LRGUK: variants seen among roughly 807,000 people sequenced by gnomAD.
LRGUK encodes leucine-rich repeat and guanylate kinase domain-containing protein.
A neutral mutation model predicts 76.0 loss-of-function variants in LRGUK; 65 were observed. That is an observed-to-expected ratio of 0.85 (90% CI 0.70 to 1.05). The LOEUF is 1.05. Ranked by LOEUF, LRGUK falls within the 50% of genes least tolerant of loss-of-function variation. LRGUK has a pLI of 0.00. For missense variants in LRGUK, 758 were observed against 732.8 expected (o/e 1.03, Z -0.40); for synonymous variants, 268 against 265.6 (o/e 1.01, Z -0.09).
chr7:134,158,232 A>T, intron 6 of LRGUK, 73 bp downstream of exon 6: 2 of 1,328,576 alleles, frequency 1.5e-6, no homozygotes. Context: ...AATTATGACT[A>T]CTTAGGATTC....
chr7:134,153,805 G>C (rs1798335137), intron 5 of LRGUK, among the ~76,000 whole-genome samples: 1 of 152,118 alleles, frequency 6.6e-6, no homozygotes, highest in African/African-American at 2.4e-5. Context: ...AGGTGATACA[G>C]ATCTTTCAGG....
chr7:134,249,196 G>A (rs1275316522), intron 18 of LRGUK, 120 bp downstream of exon 18: 15 of 1,148,468 alleles, frequency 1.3e-5, no homozygotes, highest in Middle Eastern at 2.6e-4. Context: ...CCTAACTCCC[G>A]CTGTAGAATT....
At chr7:134,241,835 C>A (rs1019465814) in intron 16 of LRGUK, among the ~76,000 whole-genome samples, 1 of 152,136 alleles carries the variant, frequency 6.6e-6, no homozygotes, top group Non-Finnish European at 1.5e-5. Context: ...TGTAAAAGAA[C>A]AGAAATTATA....
At chr7:134,202,965 G>A (rs1043647866) in intron 15 of LRGUK, among the ~76,000 whole-genome samples, 1 of 152,214 alleles carries the variant, frequency 6.6e-6, no homozygotes, top group Non-Finnish European at 1.5e-5. Flanking sequence ...AGCACTTTGG[G>A]AGGCCGAGGT....
chr7:134,175,920 G>A (rs1007782154), intron 8 of LRGUK, among the ~76,000 whole-genome samples: 7 of 151,764 alleles, frequency 4.6e-5, no homozygotes, highest in Admixed American at 6.6e-5. Flanking sequence ...AAATTAATAC[G>A]AAATATTGCA....
At chr7:134,263,144 A>G (rs1174704822) in intron 19 of LRGUK, among the ~76,000 whole-genome samples, 1 of 151,890 alleles carries the variant, frequency 6.6e-6, no homozygotes, top group African/African-American at 2.4e-5. Context: ...TCATAATCTT[A>G]TCCATCATTT....
chr7:134,222,648 T>G (rs1401431821), intron 16 of LRGUK, among the ~76,000 whole-genome samples: 2 of 152,020 alleles, frequency 1.3e-5, no homozygotes, highest in African/African-American at 4.8e-5. Context: ...TTGCTCTTGT[T>G]GCCAGGCTGG....
intron 16 of LRGUK, among the ~76,000 whole-genome samples, chr7:134,232,403 T>C (rs965426955): frequency 5.9e-5 from 9 of 152,028 alleles, no homozygotes; most frequent in Admixed American, 5.2e-4. Flanking sequence ...CTCAGCCTCC[T>C]GAGTAGCTGG....
chr7:134,208,546 G>T (rs182292065), intron 15 of LRGUK, among the ~76,000 whole-genome samples: 2 of 152,336 alleles, frequency 1.3e-5, no homozygotes, highest in Non-Finnish European at 2.9e-5. Context: ...TAGACACTTA[G>T]TATCTCCAAG....
intron 1 of LRGUK, among the ~76,000 whole-genome samples, chr7:134,135,004 T>C (rs1490205009): frequency 1.3e-5 from 2 of 152,104 alleles, no homozygotes; most frequent in Non-Finnish European, 2.9e-5. Context: ...TATAGCTGGG[T>C]CTATAAAATA....
chr7:134,243,082 C>T (rs1197787279), intron 16 of LRGUK, among the ~76,000 whole-genome samples: 1 of 152,102 alleles, frequency 6.6e-6, no homozygotes, highest in Non-Finnish European at 1.5e-5. Flanking sequence ...TTATGACAAA[C>T]CCACAGCCAA....
intron 16 of LRGUK, 38 bp downstream of exon 16, chr7:134,221,956 C>T: frequency 6.6e-7 from 1 of 1,515,378 alleles, no homozygotes; most frequent in Non-Finnish European, 8.8e-7. Context: ...CACAACTGAG[C>T]TCTATACAAT....
chr7:134,244,622 C>T (rs1802246102), intron 16 of LRGUK, among the ~76,000 whole-genome samples: 1 of 152,160 alleles, frequency 6.6e-6, no homozygotes, highest in Non-Finnish European at 1.5e-5. Context: ...TAAACTAGTT[C>T]AACCATTGTG....
At chr7:134,224,304 G>C (rs1801678655) in intron 16 of LRGUK, among the ~76,000 whole-genome samples, 1 of 152,320 alleles carries the variant, frequency 6.6e-6, no homozygotes, top group African/African-American at 2.4e-5. Flanking sequence ...CTGATGCACA[G>C]CTGGATTCAC....
intron 14 of LRGUK, among the ~76,000 whole-genome samples, chr7:134,200,949 T>C (rs545747391): frequency 6.2e-4 from 95 of 152,264 alleles, no homozygotes; most frequent in African/African-American, 2.2e-3. Context: ...TTTCTTTTGG[T>C]TGTAGAACTG....
intron 16 of LRGUK, among the ~76,000 whole-genome samples, chr7:134,244,115 G>A (rs971365854): frequency 4.6e-5 from 7 of 152,180 alleles, no homozygotes; most frequent in African/African-American, 1.4e-4. Context: ...AAAAACCTAG[G>A]CAATACCATT....
chr7:134,225,149 A>AC lies in LRGUK; in HGVS notation c.1983+3234dup, dbSNP rs772218660. Among the ~76,000 whole-genome samples, 32 of 141,262 alleles carry AC rather than the reference A, an allele frequency of 2.3e-4. 1 individual carries two copies. The highest frequency in any genetic ancestry group is 8.0e-4 in the African/African-American group (29 of 36,276). The allele number at this position is 141,262 out of a possible 152,430, so 92.7% of individuals were successfully genotyped here. On this transcript the variant is annotated intron_variant, in intron 16 of 19. Coordinates refer to the LRGUK transcript ENST00000285928. ...GGAAAAAAAAAAAAAAAAAAAAAAA[A>AC]CCCACTCTGTGCTCCTAACTGTGAT...
chr7:134,131,538 G>A (rs558487476), intron 1 of LRGUK, among the ~76,000 whole-genome samples: 5 of 152,268 alleles, frequency 3.3e-5, no homozygotes, highest in South Asian at 2.1e-4. Context: ...TTTTCCTACC[G>A]ATGAGTTACA....
intron 15 of LRGUK, among the ~76,000 whole-genome samples, chr7:134,205,339 C>A (rs754851008): frequency 6.6e-6 from 1 of 152,138 alleles, no homozygotes; most frequent in African/African-American, 2.4e-5. Context: ...AGTCCCCACT[C>A]GACCCAGGAA....
Sources: allele counts gnomAD v4.1 joint callset (sites outside exome capture counted in the v4.1 genomes callset), GRCh38; gene constraint gnomAD v4.1.1; transcripts MANE v1.5; gene names NCBI Gene and HGNC (gene_info 2026-07-23, HGNC 2026-07-21).